SMIM13: variants seen among roughly 807,000 people sequenced by gnomAD.
SMIM13 encodes UPF0766 protein C6orf228.
Under a neutral mutation model 5.9 loss-of-function variants are expected in SMIM13, and 3 were observed. The ratio of observed to expected loss-of-function variants is 0.51; its 90% CI spans 0.23 to 1.31. The LOEUF (loss-of-function observed/expected upper bound fraction) is 1.31, where lower values mean the gene tolerates loss of function less well. Among genes scored for constraint, SMIM13 ranks in the 40% most tolerant of loss-of-function variants. SMIM13 has a pLI of 0.18. For synonymous variants in SMIM13, 55 were observed against 46.0 expected (o/e 1.19, Z -0.79); for missense variants, 85 against 109.9 (o/e 0.77, Z 1.01).
chr6:11,104,017 A>C (rs189347647), intron 1 of SMIM13: 12 of 1,551,708 alleles, frequency 7.7e-6, no homozygotes, highest in African/African-American at 6.8e-5. Context: ...TCTAAGGCCA[A>C]ACAAATTCCT....
intron 1 of SMIM13, among the ~76,000 whole-genome samples, chr6:11,132,369 CAG>C (rs1473940891): frequency 6.6e-5 from 10 of 152,090 alleles, no homozygotes; most frequent in African/African-American, 2.2e-4. Context: ...TGTTTAAACA[CAG>C]AGTTACCATA....
intron 1 of SMIM13, among the ~76,000 whole-genome samples, chr6:11,123,866 T>C (rs1002646750): frequency 2.0e-5 from 3 of 152,248 alleles, no homozygotes; most frequent in Non-Finnish European, 4.4e-5. Context: ...TTATTGTATG[T>C]ATTTTTTATT....
chr6:11,103,679 G>C (rs1561752203), intron 1 of SMIM13: 1 of 1,544,326 alleles, frequency 6.5e-7, no homozygotes, highest in South Asian at 1.2e-5. Context: ...CTAGCGAGCA[G>C]TCTAGGGGTC....
chr6:11,122,508 G>T (rs1022258378), intron 1 of SMIM13, among the ~76,000 whole-genome samples: 3 of 151,832 alleles, frequency 2.0e-5, no homozygotes, highest in East Asian at 1.9e-4. Flanking sequence ...CCTTTTTGCA[G>T]TATGGACCAA....
intron 1 of SMIM13, among the ~76,000 whole-genome samples, chr6:11,124,937 T>G (rs1006742087): frequency 6.6e-6 from 1 of 152,220 alleles, no homozygotes; most frequent in African/African-American, 2.4e-5. Flanking sequence ...ATATTTTTGC[T>G]CGATAAACTG....
rs188472393 is a variant in SMIM13 at position 11,132,204 on chromosome 6, A to T, written c.77-2199A>T. On this transcript the variant is annotated intron_variant, in intron 1 of 1. Coordinates refer to ENST00000416247, the MANE Select transcript of SMIM13 (RefSeq NM_001135575.2). Reference sequence around the variant, plus strand: ...CATCATTAGTCATGAGGGAAATGCAAATCAAAGCTTCGTGATATACCATCA... The same window carrying T: ...CATCATTAGTCATGAGGGAAATGCATATCAAAGCTTCGTGATATACCATCA... Among the ~76,000 whole-genome samples the T allele has an allele frequency of 1.1e-4, 16 of 152,336 alleles. No homozygotes were observed. The East Asian group carries it at 2.9e-3, about 28-fold the overall frequency.
At chr6:11,103,900 A>G (rs758385815) in intron 1 of SMIM13, 1 of 1,551,602 alleles carries the variant, frequency 6.4e-7, no homozygotes, top group Non-Finnish European at 8.7e-7. Flanking sequence ...TCCCAATTTA[A>G]CCAACCCTGA....
intron 1 of SMIM13, among the ~76,000 whole-genome samples, chr6:11,121,586 C>T (rs958784268): frequency 1.3e-5 from 2 of 152,182 alleles, no homozygotes; most frequent in African/African-American, 2.4e-5. Context: ...AACACACACA[C>T]CTGCATACAC....
intron 1 of SMIM13, chr6:11,105,430 G>T: frequency 7.0e-6 from 5 of 716,152 alleles, no homozygotes; most frequent in Non-Finnish European, 1.2e-5. Flanking sequence ...TCTAGTATTG[G>T]GATCACCTTA....
At chr6:11,130,267 AAACAAC>A (rs55970005) in intron 1 of SMIM13, among the ~76,000 whole-genome samples, 3 of 145,742 alleles carry the variant, frequency 2.1e-5, no homozygotes, top group Admixed American at 6.8e-5. Flanking sequence ...AAAAAAAAAA[AAACAAC>A]AACAACAACA....
intron 1 of SMIM13, among the ~76,000 whole-genome samples, chr6:11,097,377 C>G (rs530333933): frequency 1.3e-5 from 2 of 152,014 alleles, no homozygotes; most frequent in African/African-American, 4.8e-5. Flanking sequence ...ATCTGCAGGC[C>G]GGGCATGGCG....
chr6:11,095,050 T>G lies in SMIM13; in HGVS notation c.76+661T>G, dbSNP rs762201240. On this transcript the variant is annotated intron_variant, in intron 1 of 1. Coordinates refer to ENST00000416247, the MANE Select transcript of SMIM13 (RefSeq NM_001135575.2). ...CAAATAATGGTAGCCCAATTTTAGA[T>G]CTTTTTGATTTCTTTGTACATGTAT... Among the ~76,000 whole-genome samples, 75 of 152,230 alleles carry G rather than the reference T, an allele frequency of 4.9e-4. 1 individual carries two copies. Among genetic ancestry groups the G allele is most frequent in the Admixed American group, 2.7e-3 (41 of 15,280 alleles).
intron 1 of SMIM13, chr6:11,103,301 C>T (rs555607444): frequency 3.0e-4 from 54 of 181,414 alleles, no homozygotes; most frequent in African/African-American, 1.2e-3. Context: ...ATTGGGAGGC[C>T]ATCGTTCCCT....
chr6:11,107,105 A>T (rs1306062823), intron 1 of SMIM13, among the ~76,000 whole-genome samples: 3 of 152,176 alleles, frequency 2.0e-5, no homozygotes, highest in African/African-American at 7.2e-5. Context: ...TGACAAAGCT[A>T]TTCCCACCTG....
At chr6:11,094,525 C>A in intron 1 of SMIM13, 136 bp downstream of exon 1, 1 of 704,422 alleles carries the variant, frequency 1.4e-6, no homozygotes, top group South Asian at 1.9e-5. Flanking sequence ...ACTGTTGTCC[C>A]TTAGCCTCTA....
intron 1 of SMIM13, among the ~76,000 whole-genome samples, chr6:11,098,676 A>C (rs924501298): frequency 6.6e-6 from 1 of 152,138 alleles, no homozygotes; most frequent in Non-Finnish European, 1.5e-5. Context: ...CAGGTGATCC[A>C]CTTGCCCCGG....
chr6:11,129,079 G>GGC (rs201341241), intron 1 of SMIM13, among the ~76,000 whole-genome samples: 2,963 of 60,928 alleles, frequency 0.049, 44 homozygotes, highest in South Asian at 0.12. Context: ...TACCGGGAGC[G>GGC]GGGGGGGGAT....
At chr6:11,100,385 C>G (rs1757975562) in intron 1 of SMIM13, among the ~76,000 whole-genome samples, 1 of 152,088 alleles carries the variant, frequency 6.6e-6, no homozygotes, top group South Asian at 2.1e-4. Flanking sequence ...TTATGTGCCC[C>G]CTACCAGATG....
At position 11,094,321 on chromosome 6, in the gene SMIM13, A is replaced by C; in HGVS notation, c.8A>C (p.His3Pro). 1 of 1,511,092 alleles carries C rather than the reference A, an allele frequency of 6.6e-7. No individual in the cohort carries two copies. Among genetic ancestry groups the C allele is most frequent in the Non-Finnish European group, 8.9e-7 (1 of 1,128,770 alleles). 93.6% of individuals were successfully genotyped at this position (1,511,092 alleles called of 1,614,324 possible). The change falls in exon 1 of 2, where the codon CAC becomes CCC. Residue 3 changes from histidine to proline, a missense_variant. Transcript: ENST00000416247. ...TGCCCTTCTGCCCCCAAGATGTGGCACAGCGTCGGGCTGACTCTGCTTGTG... is the reference window on the plus strand; with the variant it reads ...TGCCCTTCTGCCCCCAAGATGTGGCCCAGCGTCGGGCTGACTCTGCTTGTG... MWHSVGLTLLVFV... is the reference protein window; with the variant it reads MWPSVGLTLLVFV...
Sources: gnomAD v4.1 joint callset for allele counts (sites outside exome capture counted in the v4.1 genomes callset) on GRCh38, gnomAD v4.1.1 for gene constraint, MANE v1.5 for transcripts, NCBI Gene and HGNC (gene_info 2026-07-23, HGNC 2026-07-21) for gene names.